The following KLF17 variants were observed in gnomAD, a reference collection of about 807,000 sequenced individuals.
The protein encoded by KLF17 is KLF transcription factor 17.
In KLF17, 31 loss-of-function variants were observed where a neutral mutation model predicts 34.2. The observed-to-expected ratio is 0.91, with a 90% CI of 0.68 to 1.22. The LOEUF (loss-of-function observed/expected upper bound fraction) is 1.22, where lower values mean the gene tolerates loss of function less well. Ranked by LOEUF, KLF17 falls within the 50% of genes most tolerant of loss-of-function variation. KLF17 has a pLI of 0.00. For missense variants in KLF17, 478 were observed against 505.2 expected (o/e 0.95, Z 0.52); for synonymous variants, 179 against 186.7 (o/e 0.96, Z 0.34).
chr1:44,070,741 G>T, the KLF17 span, among the ~76,000 whole-genome samples: 1 of 151,564 alleles, frequency 6.6e-6, no homozygotes, highest in Non-Finnish European at 1.5e-5. Flanking sequence ...AACCCTACGG[G>T]ATTACCAAGT....
chr1:44,062,195 A>G, the KLF17 span, among the ~76,000 whole-genome samples: 3 of 152,200 alleles, frequency 2.0e-5, no homozygotes, highest in African/African-American at 7.2e-5. Context: ...CAAGCACTTG[A>G]TGTTGTCAGT....
rs772432491 is a variant in KLF17, at chr1:44,130,736, C to T, written c.1150C>T (p.Pro384Ser). Residue 384 changes from proline (P) to serine (S), a missense_variant, in exon 3 of 4, where the codon CCT becomes TCT. Pro to Ser is a moderately conservative substitution (Grantham distance 74). Transcript: ENST00000372299. ...ANNNNGEQDS[P>S]PAAGP ...CAACAACAATGGAGAGCAGGACAGT[C>T]CTCCTGCTGCTGGTCCTTAGGTCAG... 2 of 1,613,480 alleles carry T rather than the reference C, an allele frequency of 1.2e-6. No individual in the cohort carries two copies. The highest frequency in any genetic ancestry group is 1.7e-6 in the Non-Finnish European group (2 of 1,179,436).
At chr1:44,130,324 C>CT in intron 2 of KLF17, 128 bp downstream of exon 2, 3 of 1,367,182 alleles carry the variant, frequency 2.2e-6, no homozygotes, top group Admixed American at 5.0e-5. Context: ...GCTAGACTGG[C>CT]CCCCCGACTT....
intron 3 of KLF17, among the ~76,000 whole-genome samples, chr1:44,131,622 A>T (rs1163955380): frequency 1.3e-5 from 2 of 152,156 alleles, no homozygotes; most frequent in East Asian, 3.9e-4. Context: ...CACTTTACAG[A>T]CTTGGATGGA....
chr1:44,119,306 C>T (rs1425170279), intron 1 of KLF17, among the ~76,000 whole-genome samples: 2 of 151,476 alleles, frequency 1.3e-5, no homozygotes, highest in African/African-American at 4.8e-5. Context: ...TTGTGTTGGC[C>T]GCGTGGCGGG....
chr1:44,095,252 A>G, the KLF17 span, among the ~76,000 whole-genome samples: 3 of 85,860 alleles, frequency 3.5e-5, no homozygotes, highest in Admixed American at 4.4e-4. Context: ...TTTTGCTCTT[A>G]TTGCCGAGGC....
the KLF17 span, among the ~76,000 whole-genome samples, chr1:44,066,771 A>G: frequency 6.6e-6 from 1 of 152,184 alleles, no homozygotes; most frequent in Non-Finnish European, 1.5e-5. Context: ...AACCATTCAA[A>G]TGCCTGGTGA....
the KLF17 span, among the ~76,000 whole-genome samples, chr1:44,107,848 T>C: frequency 1.3e-5 from 2 of 152,236 alleles, no homozygotes; most frequent in Non-Finnish European, 2.9e-5. Context: ...CATTAAACTT[T>C]ATCATAGGTA....
At chr1:44,120,823 A>G (rs2087936968) in intron 1 of KLF17, among the ~76,000 whole-genome samples, 1 of 152,104 alleles carries the variant, frequency 6.6e-6, no homozygotes, top group African/African-American at 2.4e-5. Flanking sequence ...TATAGTGGTA[A>G]ATAAAACAGA....
chr1:44,067,724 G>A, the KLF17 span, among the ~76,000 whole-genome samples: 1 of 152,120 alleles, frequency 6.6e-6, no homozygotes, highest in South Asian at 2.1e-4. Flanking sequence ...TTTAGAGAAG[G>A]AGCAGCTCAC....
At chr1:44,075,953 A>G in the KLF17 span, 1 of 152,222 alleles carries the variant, frequency 6.6e-6, no homozygotes, top group Admixed American at 6.5e-5. Context: ...TTTCAACTTT[A>G]GCATGCACTG....
At chr1:44,065,211 C>T in the KLF17 span, among the ~76,000 whole-genome samples, 4 of 151,596 alleles carry the variant, frequency 2.6e-5, no homozygotes, top group Admixed American at 2.6e-4. Context: ...TCACTTGAAC[C>T]TGGGAGGCAG....
At chr1:44,122,492 CA>C in intron 1 of KLF17, 1 of 1,059,668 alleles carries the variant, frequency 9.4e-7, no homozygotes, top group Non-Finnish European at 1.5e-6. Context: ...TCAATTTCAT[CA>C]AAAATCTCAC....
At chr1:44,123,095 C>G (rs140504865) in intron 1 of KLF17, among the ~76,000 whole-genome samples, 1 of 152,124 alleles carries the variant, frequency 6.6e-6, no homozygotes, top group Non-Finnish European at 1.5e-5. Flanking sequence ...GCTTTTGTCA[C>G]GTGAGGCTGC....
the KLF17 span, among the ~76,000 whole-genome samples, chr1:44,073,156 G>T: frequency 0.081 from 12,300 of 151,634 alleles, 499 homozygotes; most frequent in African/African-American, 0.1. Flanking sequence ...AGTAAGATGG[G>T]TGTGAGCTGG....
At chr1:44,075,897 A>G in the KLF17 span, among the ~76,000 whole-genome samples, 4 of 152,218 alleles carry the variant, frequency 2.6e-5, no homozygotes, top group Non-Finnish European at 5.9e-5. Flanking sequence ...AATTTCTAAA[A>G]GTCATGAACC....
chr1:44,060,112 C>A, the KLF17 span, among the ~76,000 whole-genome samples: 1 of 152,092 alleles, frequency 6.6e-6, no homozygotes, highest in Non-Finnish European at 1.5e-5. Flanking sequence ...AGTCACACCC[C>A]ATAACCACTC....
rs1463854072 is a variant in KLF17, at chr1:44,125,546, CA to C, written c.82-3804del. On this transcript the variant is annotated intron_variant, in intron 1 of 3. Coordinates refer to ENST00000372299, the MANE Select transcript of KLF17 (RefSeq NM_173484.4). ...GCAATAGTGCGATCTTGGCTCACTG[CA>C]AACTCTGTCTCCTGGATTCAAGCAA... 2.9e-3 allele frequency among the ~76,000 whole-genome samples: 444 copies of C among 152,300 alleles called. 2 individuals are homozygous for C. Among genetic ancestry groups the C allele is most frequent in the African/African-American group, 9.6e-3 (401 of 41,562 alleles).
At chr1:44,102,206 C>G in the KLF17 span, among the ~76,000 whole-genome samples, 1 of 151,888 alleles carries the variant, frequency 6.6e-6, no homozygotes, top group Non-Finnish European at 1.5e-5. Context: ...CAGAGTAGAT[C>G]AAAAAACAAG....
Sources: gnomAD v4.1 joint callset for allele counts (sites outside exome capture counted in the v4.1 genomes callset) on GRCh38, gnomAD v4.1.1 for gene constraint, MANE v1.5 for transcripts, NCBI Gene and HGNC (gene_info 2026-07-23, HGNC 2026-07-21) for gene names.